Variants in NWD1 observed in about 807,000 individuals in gnomAD.
NWD1 encodes the protein NACHT domain- and WD repeat-containing protein 1.
Under a neutral mutation model 135.1 loss-of-function variants are expected in NWD1, and 129 were observed. The observed-to-expected ratio is 0.96, with a 90% CI of 0.83 to 1.11. NWD1 has a LOEUF of 1.11. Among genes scored for constraint, NWD1 ranks in the 50% least tolerant of loss-of-function variants. The pLI is 0.00. For missense variants in NWD1, 1,740 were observed against 1,851.3 expected (o/e 0.94, Z 1.10); for synonymous variants, 773 against 786.0 (o/e 0.98, Z 0.28).
intron 1 of NWD1, chr19:16,721,470 A>C: frequency 6.6e-6 from 1 of 152,282 alleles, no homozygotes; most frequent in South Asian, 2.1e-4. Flanking sequence ...ACCCAGGAAA[A>C]CGAGAGAAGG....
At chr19:16,811,402 G>A (rs1481462518) in intron 18 of NWD1, among the ~76,000 whole-genome samples, 1 of 151,840 alleles carries the variant, frequency 6.6e-6, no homozygotes, top group East Asian at 1.9e-4. Context: ...TGACCAACAT[G>A]GTGAAACCTC....
At chr19:16,745,916 CTAAA>C (rs1968294217) in intron 5 of NWD1, among the ~76,000 whole-genome samples, 1 of 151,928 alleles carries the variant, frequency 6.6e-6, no homozygotes, top group Non-Finnish European at 1.5e-5. Context: ...GACCCTGTCT[CTAAA>C]TAAATAAATT....
chr19:16,749,196 C>T lies in NWD1; in HGVS notation c.554C>T (p.Ala185Val). The change falls in exon 6 of 19, where the codon GCC becomes GTC. Residue 185 changes from alanine to valine, a missense_variant. Transcript: ENST00000524140. The part of the protein sequence containing the change: ...LLSSEDREQG[A>V]TVFLREIQDL... Reference sequence around the variant, plus strand: ...AGCTCAGAGGACCGGGAACAGGGAGCCACCGTCTTCCTTAGAGAGATCCAA... The same window carrying T: ...AGCTCAGAGGACCGGGAACAGGGAGTCACCGTCTTCCTTAGAGAGATCCAA... The T allele has an allele frequency of 6.2e-7, 1 of 1,613,512 alleles. No individual in the cohort carries two copies. Among genetic ancestry groups the T allele is most frequent in the Non-Finnish European group, 8.5e-7 (1 of 1,179,656 alleles).
intron 10 of NWD1, among the ~76,000 whole-genome samples, chr19:16,772,542 A>G (rs1280668198): frequency 6.6e-6 from 1 of 152,120 alleles, no homozygotes. Flanking sequence ...GCTATTAGGG[A>G]GGCTGAGGCA....
At chr19:16,810,451 A>AAG (rs1298094529) in intron 18 of NWD1, among the ~76,000 whole-genome samples, 96 of 151,008 alleles carry the variant, frequency 6.4e-4, no homozygotes, top group Middle Eastern at 3.4e-3. Flanking sequence ...AAAAAAAAAA[A>AAG]AAAAAAGAAA....
At chr19:16,799,631 T>A (rs1402284290) in intron 16 of NWD1, among the ~76,000 whole-genome samples, 1 of 152,012 alleles carries the variant, frequency 6.6e-6, no homozygotes, top group Non-Finnish European at 1.5e-5. Context: ...CTCAGCCTCC[T>A]GAGTAGCTGG....
At chr19:16,738,566 CA>C (rs770498066) in intron 4 of NWD1, among the ~76,000 whole-genome samples, 32,679 of 91,328 alleles carry the variant, frequency 0.36, 4,017 homozygotes, top group African/African-American at 0.4. Flanking sequence ...GAGACTCTGT[CA>C]AAAAAAAAAA....
intron 12 of NWD1, among the ~76,000 whole-genome samples, chr19:16,782,206 C>A (rs984717088): frequency 1.3e-5 from 2 of 150,424 alleles, no homozygotes; most frequent in African/African-American, 4.9e-5. Context: ...CCTGTAATCC[C>A]AGCACTTTGA....
At chr19:16,782,520 G>GAATCAAATTTCTATTAGAGATGACAT (rs1182525652) in intron 12 of NWD1, among the ~76,000 whole-genome samples, 1 of 151,880 alleles carries the variant, frequency 6.6e-6, no homozygotes, top group African/African-American at 2.4e-5. Context: ...CTAAAGAGCT[G>GAATCAAATTTCTATTAGAGATGACAT]AATCAAATTT....
At chr19:16,787,045 C>T (rs745864956) in intron 12 of NWD1, among the ~76,000 whole-genome samples, 14 of 152,202 alleles carry the variant, frequency 9.2e-5, no homozygotes, top group Non-Finnish European at 1.8e-4. Context: ...TACATTTCTA[C>T]ATAATCCAGT....
At chr19:16,762,298 T>TTTTC (rs550959226) in intron 8 of NWD1, among the ~76,000 whole-genome samples, 160 bp downstream of exon 8, 2,540 of 56,384 alleles carry the variant, frequency 0.045, 125 homozygotes, top group African/African-American at 0.23. Context: ...CCCCCACTCC[T>TTTTC]TTTTTTTTTT....
chr19:16,731,697 A>G (rs1289552405), intron 3 of NWD1, among the ~76,000 whole-genome samples: 1 of 141,902 alleles, frequency 7.0e-6, no homozygotes, highest in Non-Finnish European at 1.5e-5. Flanking sequence ...CTTGGCCTCC[A>G]GGGTTCAAGC....
At chr19:16,795,163 G>C (rs923327487) in intron 15 of NWD1, among the ~76,000 whole-genome samples, 2 of 152,264 alleles carry the variant, frequency 1.3e-5, no homozygotes, top group African/African-American at 4.8e-5. Flanking sequence ...TATTCAGCCT[G>C]TGGGGTCACA....
chr19:16,799,805 G>A (rs755725829), intron 16 of NWD1, 81 bp from the exon 17 acceptor site: 27 of 1,373,850 alleles, frequency 2.0e-5, no homozygotes, highest in Non-Finnish European at 2.5e-5. Context: ...ACCGCGCCTG[G>A]CCCAATGGGC....
chr19:16,764,955 G>T (rs1428475002), intron 9 of NWD1, 79 bp from the exon 10 acceptor site: 7 of 1,483,162 alleles, frequency 4.7e-6, no homozygotes, highest in African/African-American at 1.4e-5. Flanking sequence ...GGAGGAAATG[G>T]AGAGATGATT....
intron 6 of NWD1, among the ~76,000 whole-genome samples, chr19:16,753,168 C>T (rs886832825): frequency 1.3e-5 from 2 of 152,162 alleles, no homozygotes; most frequent in Non-Finnish European, 2.9e-5. Flanking sequence ...ACATCAACTC[C>T]TCTTGTAGAC....
intron 4 of NWD1, among the ~76,000 whole-genome samples, chr19:16,742,431 A>G (rs1257964340): frequency 2.0e-5 from 3 of 152,064 alleles, no homozygotes; most frequent in African/African-American, 7.2e-5. Flanking sequence ...TGTACTCAGA[A>G]TGTGGCGCTT....
Position 16,799,946 on chromosome 19 carries a change from G to A in NWD1, c.3520G>A (p.Val1174Met), listed in dbSNP as rs1305351556. Residue 1174 changes from valine (V) to methionine (M), a missense_variant, in exon 17 of 19, where the codon GTG (valine) becomes ATG (methionine). Physicochemically the swap from Val to Met is conservative, Grantham distance 21 (BLOSUM62 1). Coordinates refer to ENST00000524140, the MANE Select transcript of NWD1 (RefSeq NM_001007525.5). ...LDILEGVGAP[V>M]SLLARGGALV... ...CATCCTGGAAGGCGTCGGGGCCCCC[G>A]TGAGCCTGCTGGCCCGCGGCGGGGC... 9.3e-6 allele frequency: 15 copies of A among 1,614,078 alleles called. No homozygotes were observed. Among genetic ancestry groups the A allele is most frequent in the East Asian group, 2.2e-5 (1 of 44,884 alleles).
At position 16,725,951 on chromosome 19, in the gene NWD1, T is replaced by A. The variant is rs1236986429; in HGVS notation, c.-7+1488T>A. On this transcript the variant is annotated intron_variant, in intron 2 of 18. Coordinates refer to ENST00000524140, the MANE Select transcript of NWD1 (RefSeq NM_001007525.5). ...ATCATGCCATAGCTACATTGTTTTT[T>A]TTTTGTTTGTTTTTTTTTGCTTTTT... Among the ~76,000 whole-genome samples, 8 of 145,010 alleles carry A rather than the reference T, an allele frequency of 5.5e-5. No individual in the cohort carries two copies. In the Admixed American group the frequency reaches 5.7e-4, roughly 10 times the overall value.
Sources: gnomAD v4.1 joint callset for allele counts (sites outside exome capture counted in the v4.1 genomes callset) on GRCh38, gnomAD v4.1.1 for gene constraint, MANE v1.5 for transcripts, NCBI Gene and HGNC (gene_info 2026-07-23, HGNC 2026-07-21) for gene names.